The following SRRM3 variants were observed in gnomAD, a reference collection of about 807,000 sequenced individuals.
The protein encoded by SRRM3 is serine/arginine repetitive matrix protein 3.
A neutral mutation model predicts 66.2 loss-of-function variants in SRRM3; 27 were observed. The ratio of observed to expected loss-of-function variants is 0.41; its 90% CI spans 0.30 to 0.56. The LOEUF (loss-of-function observed/expected upper bound fraction) is 0.56, where lower values mean the gene tolerates loss of function less well. Among genes scored for constraint, SRRM3 ranks in the 20% least tolerant of loss-of-function variants. The pLI, the probability that SRRM3 is intolerant of heterozygous loss-of-function variation, is 0.32. For synonymous variants in SRRM3, 391 were observed against 414.9 expected (o/e 0.94, Z 0.70); for missense variants, 918 against 991.9 (o/e 0.93, Z 1.00).
At chr7:76,227,552 T>G (rs1188927985) in intron 1 of SRRM3, among the ~76,000 whole-genome samples, 1 of 152,238 alleles carries the variant, frequency 6.6e-6, no homozygotes, top group Non-Finnish European at 1.5e-5. Flanking sequence ...CCCTGCCTCC[T>G]GCTCCCTCCC....
intron 1 of SRRM3, among the ~76,000 whole-genome samples, chr7:76,220,456 G>C (rs951713521): frequency 1.3e-5 from 2 of 152,212 alleles, no homozygotes; most frequent in Non-Finnish European, 2.9e-5. Flanking sequence ...CAGGGATAGC[G>C]TAGGACTGGG....
At chr7:76,269,978 CT>C (rs1554610327) in intron 11 of SRRM3, 1 of 151,262 alleles carries the variant, frequency 6.6e-6, no homozygotes, top group Non-Finnish European at 1.5e-5. Flanking sequence ...GGGAAGATAA[CT>C]CTAAAAAAAA....
intron 11 of SRRM3, among the ~76,000 whole-genome samples, chr7:76,279,682 G>C (rs1554611577): frequency 1.3e-5 from 2 of 152,080 alleles, no homozygotes; most frequent in Non-Finnish European, 2.9e-5. Flanking sequence ...CTGAGGCCCA[G>C]ACTGGGGAAG....
chr7:76,270,240 G>A (rs1554610364), intron 11 of SRRM3, among the ~76,000 whole-genome samples: 7 of 152,176 alleles, frequency 4.6e-5, no homozygotes, highest in Non-Finnish European at 8.8e-5. Flanking sequence ...TAATGGGCTG[G>A]ACACAGGGGA....
chr7:76,280,430 C>T (rs1189985448), intron 11 of SRRM3, among the ~76,000 whole-genome samples: 2 of 144,928 alleles, frequency 1.4e-5, no homozygotes, highest in Non-Finnish European at 3.0e-5. Context: ...CACCCCCAAG[C>T]GCTGGGGGTC....
chr7:76,217,968 T>C (rs1161273987), intron 1 of SRRM3, among the ~76,000 whole-genome samples: 1 of 152,164 alleles, frequency 6.6e-6, no homozygotes, highest in Non-Finnish European at 1.5e-5. Flanking sequence ...TGGTGCAGTT[T>C]AGACTAACAC....
chr7:76,267,948 C>CCCCT (rs1802117540), intron 11 of SRRM3: 1 of 146,022 alleles, frequency 6.8e-6, no homozygotes, highest in Non-Finnish European at 1.5e-5. Flanking sequence ...TTCTCCCCAG[C>CCCCT]CCCTCCCTCC....
At chr7:76,270,778 C>T (rs1290421905) in intron 11 of SRRM3, among the ~76,000 whole-genome samples, 1 of 151,290 alleles carries the variant, frequency 6.6e-6, no homozygotes, top group Non-Finnish European at 1.5e-5. Context: ...CATACCACTG[C>T]ACTCCAGCCT....
rs553715500 is a variant in SRRM3, at chr7:76,249,193, C to A, written c.335+904C>A. ...TTGAGCTCAGGAGTTCGAGACCACC[C>A]TGAGCAACATGGTGAAACTCAATCT... On this transcript the variant is annotated intron_variant, in intron 3 of 14. Coordinates refer to ENST00000611745, the MANE Select transcript of SRRM3 (RefSeq NM_001110199.3). Among the ~76,000 whole-genome samples, 242 of 152,084 alleles carry A rather than the reference C, an allele frequency of 1.6e-3. 1 individual carries two copies. The highest frequency in any genetic ancestry group is 5.6e-3 in the African/African-American group (232 of 41,486).
intron 3 of SRRM3, among the ~76,000 whole-genome samples, chr7:76,253,920 C>T (rs370723227): frequency 6.6e-6 from 1 of 152,086 alleles, no homozygotes; most frequent in African/African-American, 2.4e-5. Context: ...GAAGCCTCAG[C>T]CCAGGTCCAT....
chr7:76,281,329 T>C lies in SRRM3; in HGVS notation c.1009-112T>C, dbSNP rs553401262. ...TTTCCTCTTTCTGTCTCTGTCTCTGTCTCTTTCTTTCAATCTCTCTCTCCC... is the reference window on the plus strand; with the variant it reads ...TTTCCTCTTTCTGTCTCTGTCTCTGCCTCTTTCTTTCAATCTCTCTCTCCC... On this transcript the variant is annotated intron_variant, in intron 11 of 14. Transcript: ENST00000611745. The C allele has an allele frequency of 1.1e-5, 8 of 745,028 alleles. No individual in the cohort carries two copies. In the East Asian group the frequency reaches 1.9e-4, roughly 18 times the overall value. The allele number at this position is 745,028 out of a possible 1,614,324, so 46.2% of individuals were successfully genotyped here. A position where few individuals can be genotyped will look rare whatever the true frequency, so the allele number is the denominator to read the frequency against.
intron 1 of SRRM3, among the ~76,000 whole-genome samples, chr7:76,212,812 AGAGTT>A (rs1800466706): frequency 6.6e-6 from 1 of 151,950 alleles, no homozygotes; most frequent in South Asian, 2.1e-4. Flanking sequence ...CGTACACACT[AGAGTT>A]GAGAACCGGT....
Position 76,282,713 on chromosome 7 carries a change from G to A in SRRM3, c.1436G>A (p.Arg479Gln). The stretch of plus-strand genomic sequence containing the variant: ...TCTCCGTCCCCGGGCGCGCACGGCC[G>A]GCGCGGCGGCCCAGAAGGGAAGAGC... ...STSPSPGAHGRRGGPEGKSSS... is the reference protein window; with the variant it reads ...STSPSPGAHGQRGGPEGKSSS... Residue 479 changes from arginine (R) to glutamine (Q), a missense_variant, in exon 13 of 15, where the codon CGG becomes CAG. Transcript: ENST00000611745. 1.4e-6 allele frequency: 2 copies of A among 1,424,172 alleles called. No homozygotes were observed. The highest frequency in any genetic ancestry group is 1.8e-6 in the Non-Finnish European group (2 of 1,095,610). The allele number at this position is 1,424,172 out of a possible 1,614,324, so 88.2% of individuals were successfully genotyped here.
At chr7:76,277,809 G>T (rs1163107898) in intron 11 of SRRM3, among the ~76,000 whole-genome samples, 1 of 150,954 alleles carries the variant, frequency 6.6e-6, no homozygotes, top group Admixed American at 6.6e-5. Flanking sequence ...TTGGAGCCAG[G>T]GTTCACAGCC....
chr7:76,229,741 CTTTT>C (rs869140956), intron 1 of SRRM3, among the ~76,000 whole-genome samples: 2 of 133,084 alleles, frequency 1.5e-5, no homozygotes, highest in East Asian at 2.1e-4. Context: ...TCTTCTTCTT[CTTTT>C]TTTTTTTTTT....
intron 11 of SRRM3, 90 bp downstream of exon 11, chr7:76,267,525 A>T: frequency 2.6e-5 from 4 of 155,740 alleles, no homozygotes; most frequent in African/African-American, 4.2e-5. Flanking sequence ...GGGGGCGATA[A>T]GTGTGGCATG....
chr7:76,266,743 G>C (rs1179554830), intron 10 of SRRM3, among the ~76,000 whole-genome samples: 2 of 146,680 alleles, frequency 1.4e-5, no homozygotes, highest in African/African-American at 5.1e-5. Flanking sequence ...TGCAATCTTG[G>C]CTCACTACAA....
chr7:76,240,058 C>A (rs1801244832), intron 2 of SRRM3, among the ~76,000 whole-genome samples: 1 of 152,058 alleles, frequency 6.6e-6, no homozygotes, highest in Non-Finnish European at 1.5e-5. Flanking sequence ...TCCAGCTACT[C>A]AGGAGGCTGA....
chr7:76,263,449 A>G (rs560151316), intron 8 of SRRM3, among the ~76,000 whole-genome samples: 3 of 152,282 alleles, frequency 2.0e-5, no homozygotes, highest in Non-Finnish European at 4.4e-5. Flanking sequence ...CCTTTCATCA[A>G]AGGTAGAGGG....
Sources: gnomAD v4.1 joint callset for allele counts (sites outside exome capture counted in the v4.1 genomes callset) on GRCh38, gnomAD v4.1.1 for gene constraint, MANE v1.5 for transcripts, NCBI Gene and HGNC (gene_info 2026-07-23, HGNC 2026-07-21) for gene names.